The following KIF24 variants were observed in gnomAD, a reference collection of about 807,000 sequenced individuals.
The protein encoded by KIF24 is kinesin-like protein KIF24.
Under a neutral mutation model 118.9 loss-of-function variants are expected in KIF24, and 81 were observed. The observed-to-expected ratio is 0.68, with a 90% CI of 0.57 to 0.82. The LOEUF (loss-of-function observed/expected upper bound fraction) is 0.82, where lower values mean the gene tolerates loss of function less well. Ranked by LOEUF, KIF24 falls within the 40% of genes least tolerant of loss-of-function variation. The pLI, the probability that KIF24 is intolerant of heterozygous loss-of-function variation, is 0.00. For synonymous variants in KIF24, 599 were observed against 610.0 expected (o/e 0.98, Z 0.27); for missense variants, 1,560 against 1,661.6 (o/e 0.94, Z 1.06).
At chr9:34,292,619 CAAAG>C (rs1383800636) in intron 4 of KIF24, among the ~76,000 whole-genome samples, 1 of 151,994 alleles carries the variant, frequency 6.6e-6, no homozygotes, top group African/African-American at 2.4e-5. Flanking sequence ...AGGTAGAAAA[CAAAG>C]AAAGAGTAAA....
At chr9:34,289,658 A>G (rs1254163812) in intron 5 of KIF24, among the ~76,000 whole-genome samples, 1 of 152,250 alleles carries the variant, frequency 6.6e-6, no homozygotes, top group Non-Finnish European at 1.5e-5. Flanking sequence ...ATACATTTCT[A>G]AATTACTATA....
intron 3 of KIF24, among the ~76,000 whole-genome samples, chr9:34,301,648 C>T (rs1445029388): frequency 6.6e-6 from 1 of 151,910 alleles, no homozygotes; most frequent in Non-Finnish European, 1.5e-5. Flanking sequence ...CCAGCCGAGG[C>T]AACATGGAGA....
At chr9:34,281,615 AAC>A (rs1459159448) in intron 6 of KIF24, among the ~76,000 whole-genome samples, 2 of 152,224 alleles carry the variant, frequency 1.3e-5, no homozygotes, top group Non-Finnish European at 2.9e-5. Context: ...TTATTATTAG[AAC>A]ACAGTGAAAA....
At chr9:34,325,482 C>T (rs1206030251) in intron 1 of KIF24, among the ~76,000 whole-genome samples, 2 of 151,892 alleles carry the variant, frequency 1.3e-5, no homozygotes, top group African/African-American at 4.8e-5. Flanking sequence ...CACTTGAGGC[C>T]AAAAGTTCGA....
rs372797268 is a variant in KIF24 at position 34,290,330 on chromosome 9, A to G, written c.971T>C (p.Ile324Thr). 72 of 1,613,822 alleles carry G rather than the reference A, an allele frequency of 4.5e-5. No homozygotes were observed. The highest frequency in any genetic ancestry group is 3.3e-4 in the Middle Eastern group (2 of 6,084). The change falls in exon 5 of 13, where the codon ATA becomes ACA. Residue 324 changes from isoleucine to threonine, a missense_variant. By Grantham distance (89) the Ile-to-Thr change is moderately conservative. Transcript: ENST00000402558. ...CAATCCTGGGTTCTCATGAGTTCCT[A>G]TCATGGTGTAGGTCTTTCCAGCACC... ...QTGAGKTYTM[I>T]GTHENPGLYA... is the part of the protein sequence containing the mutation.
At chr9:34,280,568 C>G (rs952384491) in intron 6 of KIF24, among the ~76,000 whole-genome samples, 7 of 152,150 alleles carry the variant, frequency 4.6e-5, no homozygotes, top group Non-Finnish European at 7.4e-5. Context: ...TTCCTTAGGA[C>G]TCCACAGCAG....
At chr9:34,267,236 A>G (rs1457307595) in intron 8 of KIF24, among the ~76,000 whole-genome samples, 1 of 152,172 alleles carries the variant, frequency 6.6e-6, no homozygotes, top group Non-Finnish European at 1.5e-5. Context: ...GCTGAATGGC[A>G]TGTCCTTAAC....
chr9:34,254,156 C>G lies in KIF24; in HGVS notation c.*224G>C. ...CATTAGGTTCTTCGGCCTGGCCCACCCTTGGAGGCACTCCTGTGCATGGAA... is the reference window on the plus strand; with the variant it reads ...CATTAGGTTCTTCGGCCTGGCCCACGCTTGGAGGCACTCCTGTGCATGGAA... On this transcript the variant is annotated 3_prime_UTR_variant, in exon 13 of 13. Coordinates refer to ENST00000402558, the MANE Select transcript of KIF24 (RefSeq NM_194313.4). 2 of 426,178 alleles carry G rather than the reference C, an allele frequency of 4.7e-6. No homozygotes were observed. Among genetic ancestry groups the G allele is most frequent in the Non-Finnish European group, 8.3e-6 (2 of 242,146 alleles). The allele number at this position is 426,178 out of a possible 1,614,324, so 26.4% of individuals were successfully genotyped here. A position where few individuals can be genotyped will look rare whatever the true frequency, so the allele number is the denominator to read the frequency against.
At position 34,257,562 on chromosome 9, in the gene KIF24, C is replaced by A; in HGVS notation, c.2045G>T (p.Gly682Val). Residue 682 changes from glycine to valine, a missense_variant, in exon 11 of 13, where the codon GGG becomes GTG. Gly to Val is a moderately radical substitution (Grantham distance 109). Around this residue, in one of 3 missense-constraint regions of KIF24, gnomAD observed 964 missense variants for 988.0 expected, o/e 0.98. Transcript: ENST00000402558. ...KNRMGNKTVL[G>V]WESRASGPGE... ...TGGGCCTGAGGCCCTGCTTTCCCAC[C>A]CAAGGACAGTTTTGTTGCCCATTCG... 1 of 1,614,068 alleles carries A rather than the reference C, an allele frequency of 6.2e-7. No individual in the cohort carries two copies. The highest frequency in any genetic ancestry group is 8.5e-7 in the Non-Finnish European group (1 of 1,179,888).
At chr9:34,282,273 A>G (rs560439601) in intron 6 of KIF24, among the ~76,000 whole-genome samples, 295 of 152,306 alleles carry the variant, frequency 1.9e-3, no homozygotes, top group Middle Eastern at 6.8e-3. Flanking sequence ...GAAAGAAGCC[A>G]GACAAAAGGT....
At chr9:34,280,270 C>G (rs1835802252) in intron 6 of KIF24, among the ~76,000 whole-genome samples, 1 of 105,042 alleles carries the variant, frequency 9.5e-6, no homozygotes, top group Non-Finnish European at 1.7e-5. Flanking sequence ...GGCGACAGGG[C>G]GAGACTCCGT....
chr9:34,289,617 T>C (rs1351899585), intron 5 of KIF24, among the ~76,000 whole-genome samples: 1 of 152,146 alleles, frequency 6.6e-6, no homozygotes, highest in Non-Finnish European at 1.5e-5. Context: ...GCAAGAAAAA[T>C]ATAATAGGTG....
At chr9:34,319,756 T>C in intron 1 of KIF24, 1 of 615,262 alleles carries the variant, frequency 1.6e-6, no homozygotes, top group Non-Finnish European at 3.0e-6. Flanking sequence ...GCTTGGATAC[T>C]CCATGGGTGG....
At chr9:34,286,096 G>C (rs1359698552) in intron 6 of KIF24, among the ~76,000 whole-genome samples, 2 of 151,966 alleles carry the variant, frequency 1.3e-5, no homozygotes, top group African/African-American at 4.8e-5. Flanking sequence ...CACTTTGGGA[G>C]GTCGAGGCGG....
chr9:34,254,622 G>A, intron 12 of KIF24, 102 bp from the exon 13 acceptor site: 5 of 1,219,902 alleles, frequency 4.1e-6, no homozygotes, highest in South Asian at 1.4e-5. Context: ...TCAGAACCCA[G>A]GCCACTCTTC....
intron 5 of KIF24, among the ~76,000 whole-genome samples, chr9:34,287,950 C>T (rs1194100319): frequency 6.6e-6 from 1 of 151,860 alleles, no homozygotes; most frequent in East Asian, 1.9e-4. Context: ...CTTTTAGAGC[C>T]CTGCTGTCAT....
chr9:34,319,066 C>T (rs1392582593), intron 1 of KIF24: 14 of 1,302,392 alleles, frequency 1.1e-5, no homozygotes, highest in Non-Finnish European at 1.6e-5. Context: ...TGGTGGAAAA[C>T]CGTGGCTTCA....
chr9:34,302,645 TAA>T (rs886708196), intron 3 of KIF24, among the ~76,000 whole-genome samples: 10 of 151,512 alleles, frequency 6.6e-5, no homozygotes, highest in Admixed American at 1.3e-4. Context: ...TTTGTATTTT[TAA>T]AAGAGACGGA....
intron 1 of KIF24, among the ~76,000 whole-genome samples, chr9:34,316,060 T>C (rs1837317713): frequency 6.6e-6 from 1 of 151,760 alleles, no homozygotes; most frequent in African/African-American, 2.4e-5. Flanking sequence ...TTTAGAAATG[T>C]TCCATTATCG....
Sources: allele counts gnomAD v4.1 joint callset (sites outside exome capture counted in the v4.1 genomes callset), GRCh38; gene constraint gnomAD v4.1.1; regional missense constraint gnomAD v4.1.1; transcripts MANE v1.5; gene names NCBI Gene and HGNC (gene_info 2026-07-23, HGNC 2026-07-21).